The following NUP88 variants were observed in gnomAD, a reference collection of about 807,000 sequenced individuals.
NUP88 encodes the protein nuclear pore complex protein Nup88.
NUP88 carries 57 observed loss-of-function variants against 93.9 expected under a neutral mutation model. That is an observed-to-expected ratio of 0.61 (90% CI 0.49 to 0.76). The LOEUF is 0.76. Among genes scored for constraint, NUP88 ranks in the 30% least tolerant of loss-of-function variants. The probability of loss-of-function intolerance (pLI) is 0.00; values close to 1 mark genes in which losing one functional copy is unlikely to be tolerated. For missense variants in NUP88, 911 were observed against 901.0 expected (o/e 1.01, Z -0.14); for synonymous variants, 346 against 336.8 (o/e 1.03, Z -0.30).
chr17:5,395,441 A>G (rs926350830), intron 8 of NUP88, among the ~76,000 whole-genome samples: 16 of 152,210 alleles, frequency 1.1e-4, no homozygotes, highest in African/African-American at 3.6e-4. Flanking sequence ...ACAGCACTCA[A>G]AAACTTTTGT....
At position 5,419,308 on chromosome 17, in the gene NUP88, G is replaced by A. The variant is rs770388689; in HGVS notation, c.297+46C>T. On this transcript the variant is annotated intron_variant, in intron 1 of 16. Coordinates refer to ENST00000573584, the MANE Select transcript of NUP88 (RefSeq NM_002532.6). ...GAGGAGCAAGGAACAAAAAAGACTGGTTCCGATCCCGGTGAGGGTCACTTC... is the reference window on the plus strand; with the variant it reads ...GAGGAGCAAGGAACAAAAAAGACTGATTCCGATCCCGGTGAGGGTCACTTC... 4 of 1,507,392 alleles carry A rather than the reference G, an allele frequency of 2.7e-6. No individual in the cohort carries two copies. In the East Asian group the frequency reaches 6.9e-5, roughly 26 times the overall value. The allele number at this position is 1,507,392 out of a possible 1,614,324, so 93.4% of individuals were successfully genotyped here.
chr17:5,394,877 G>A lies in NUP88; in HGVS notation c.1382+14C>T, dbSNP rs763230266. On this transcript the variant is annotated intron_variant, in intron 9 of 16. Transcript: ENST00000573584. ...CAATTGTTTTCTGATATACAAGGGAGGGAGAGTCCTTACCTGCAGGGCAAT... is the reference window on the plus strand; with the variant it reads ...CAATTGTTTTCTGATATACAAGGGAAGGAGAGTCCTTACCTGCAGGGCAAT... 4 of 1,565,706 alleles carry A rather than the reference G, an allele frequency of 2.6e-6. No homozygotes were observed. The East Asian group carries it at 9.0e-5, about 35-fold the overall frequency.
intron 10 of NUP88, 64 bp downstream of exon 10, chr17:5,391,497 T>A (rs1434479705): frequency 1.2e-5 from 17 of 1,374,236 alleles, no homozygotes; most frequent in Non-Finnish European, 1.8e-5. Context: ...ACTGAGTGCA[T>A]TTTCCCAACT....
chr17:5,402,054 T>C (rs1913202195), intron 7 of NUP88, among the ~76,000 whole-genome samples: 4 of 151,990 alleles, frequency 2.6e-5, no homozygotes, highest in African/African-American at 4.8e-5. Flanking sequence ...TGGTGGTTTA[T>C]GCCTAAAATC....
At chr17:5,386,647 C>T in intron 16 of NUP88, 61 bp downstream of exon 16, 3 of 1,116,464 alleles carry the variant, frequency 2.7e-6, no homozygotes, top group Non-Finnish European at 4.1e-6. Flanking sequence ...CAGGTTGATT[C>T]TGGCATACTG....
chr17:5,391,744 T>G (rs1028305826), intron 9 of NUP88, 82 bp from the exon 10 acceptor site: 3 of 1,134,312 alleles, frequency 2.6e-6, no homozygotes, highest in Non-Finnish European at 3.9e-6. Flanking sequence ...GTCCGCGGCC[T>G]TCTCAGGCCT....
rs1911913168 is a variant in NUP88, at chr17:5,385,856, CAG to C, written c.*348_*349del. ...TGAATCCTAGGGTTCTATCCCTCTT[CAG>C]AGTCATGTTTCTGGTGCTGCTACTT... On this transcript the variant is annotated 3_prime_UTR_variant, in exon 17 of 17. Coordinates refer to ENST00000573584, the MANE Select transcript of NUP88 (RefSeq NM_002532.6). 1.1e-5 allele frequency: 3 copies of C among 273,496 alleles called. No individual in the cohort carries two copies. Among genetic ancestry groups the C allele is most frequent in the Admixed American group, 1.0e-4 (2 of 19,244 alleles). The allele number at this position is 273,496 out of a possible 1,614,324, so 16.9% of individuals were successfully genotyped here.
intron 7 of NUP88, among the ~76,000 whole-genome samples, chr17:5,401,587 T>C (rs993275758): frequency 1.7e-4 from 26 of 152,232 alleles, no homozygotes; most frequent in Non-Finnish European, 2.8e-4. Flanking sequence ...GTCTTATATA[T>C]TGAGGTTCCA....
chr17:5,409,352 C>T (rs8081185), intron 4 of NUP88, among the ~76,000 whole-genome samples: 64,456 of 142,262 alleles, frequency 0.45, 14,837 homozygotes, highest in East Asian at 0.84. Flanking sequence ...CCAGCCTGGG[C>T]GACAAGAGCG....
chr17:5,414,902 G>A (rs531740131), intron 2 of NUP88, among the ~76,000 whole-genome samples: 1 of 152,108 alleles, frequency 6.6e-6, no homozygotes, highest in African/African-American at 2.4e-5. Flanking sequence ...GGGCTGAGGA[G>A]GTTGCAGTGA....
At chr17:5,405,339 T>C (rs1483528092) in intron 5 of NUP88, 96 bp from the exon 6 acceptor site, 1 of 962,098 alleles carries the variant, frequency 1.0e-6, no homozygotes, top group African/African-American at 1.6e-5. Flanking sequence ...CCAGCTATCA[T>C]ACCTTCATTA....
chr17:5,390,081 C>T (rs1190674919), intron 10 of NUP88, among the ~76,000 whole-genome samples: 1 of 150,738 alleles, frequency 6.6e-6, no homozygotes, highest in African/African-American at 2.4e-5. Context: ...AGGAGAATCA[C>T]TTGAACCCGG....
In NUP88 at chr17:5,386,211, A is replaced by G; in HGVS notation, c.2221T>C (p.Phe741Leu). 1 of 1,613,042 alleles carries G rather than the reference A, an allele frequency of 6.2e-7. No homozygotes were observed. Among genetic ancestry groups the G allele is most frequent in the Non-Finnish European group, 8.5e-7 (1 of 1,179,482 alleles). Reference protein sequence around the residue: ...QINDIRNHVNF With the variant: ...QINDIRNHVNL Reference sequence around the variant, plus strand: ...TGAGTCAGCTCCTGGTGGTGTCAGAAGTTTACATGATTGCGGATATCATTG... The same window carrying G: ...TGAGTCAGCTCCTGGTGGTGTCAGAGGTTTACATGATTGCGGATATCATTG... Residue 741 changes from phenylalanine (F) to leucine (L), a missense_variant, in exon 17 of 17, where the codon TTC (phenylalanine) becomes CTC (leucine). Physicochemically the swap from Phe to Leu is conservative, Grantham distance 22. Transcript: ENST00000573584.
chr17:5,410,861 C>A, intron 3 of NUP88, 72 bp from the exon 4 acceptor site: 1 of 911,134 alleles, frequency 1.1e-6, no homozygotes, highest in South Asian at 1.4e-5. Flanking sequence ...ACTTTCCTCT[C>A]CATCTAGTCA....
At chr17:5,402,230 C>A (rs753498868) in intron 7 of NUP88, among the ~76,000 whole-genome samples, 1 of 152,034 alleles carries the variant, frequency 6.6e-6, no homozygotes, top group Non-Finnish European at 1.5e-5. Context: ...TCGCTTGAAC[C>A]CAGGGGGCGG....
chr17:5,399,480 A>G, intron 8 of NUP88, 72 bp downstream of exon 8: 1 of 764,508 alleles, frequency 1.3e-6, no homozygotes, highest in Non-Finnish European at 2.2e-6. Context: ...ATTCCAAACT[A>G]CTTTTCTGAA....
rs1422440451 is a variant in NUP88, at chr17:5,410,801, A to G, written c.594-12T>C. 6.4e-7 allele frequency: 1 copy of G among 1,552,918 alleles called. No homozygotes were observed. The highest frequency in any genetic ancestry group is 8.8e-7 in the Non-Finnish European group (1 of 1,135,058). Reference sequence around the variant, plus strand: ...GTAGTGAGTAAATTCTAGCAACCAAAAGAGAAGAAAACCAGCACTTAAAAT... The same window carrying G: ...GTAGTGAGTAAATTCTAGCAACCAAGAGAGAAGAAAACCAGCACTTAAAAT... On this transcript the variant is annotated splice_polypyrimidine_tract_variant and intron_variant, in intron 3 of 16. Transcript: ENST00000573584.
At chr17:5,389,775 CAAAAAAA>C (rs58723410) in intron 10 of NUP88, among the ~76,000 whole-genome samples, 10 of 76,590 alleles carry the variant, frequency 1.3e-4, no homozygotes, top group Non-Finnish European at 2.6e-4. Flanking sequence ...GACTCTGTCT[CAAAAAAA>C]AAAAAAAAAA....
intron 7 of NUP88, among the ~76,000 whole-genome samples, chr17:5,403,605 A>G (rs1913299502): frequency 6.6e-6 from 1 of 152,182 alleles, no homozygotes; most frequent in South Asian, 2.1e-4. Flanking sequence ...GGTTGCAGTG[A>G]GTCGAGATTG....
Sources: gnomAD v4.1 joint callset for allele counts (sites outside exome capture counted in the v4.1 genomes callset) on GRCh38, gnomAD v4.1.1 for gene constraint, MANE v1.5 for transcripts, NCBI Gene and HGNC (gene_info 2026-07-23, HGNC 2026-07-21) for gene names.